RABEP1: variants seen among roughly 807,000 people sequenced by gnomAD.
RABEP1 encodes the protein rabaptin, RAB GTPase binding effector protein 1.
In RABEP1, 51 loss-of-function variants were observed where a neutral mutation model predicts 123.4. That is an observed-to-expected ratio of 0.41 (90% confidence interval 0.33 to 0.52). The LOEUF (loss-of-function observed/expected upper bound fraction) is 0.52, where lower values mean the gene tolerates loss of function less well. RABEP1 is among the 20% of genes least tolerant of loss of function. The probability of loss-of-function intolerance (pLI) is 0.16; values close to 1 mark genes in which losing one functional copy is unlikely to be tolerated. For synonymous variants in RABEP1, 347 were observed against 355.2 expected (o/e 0.98, Z 0.26); for missense variants, 888 against 996.3 (o/e 0.89, Z 1.46).
At chr17:5,335,389 G>A in intron 4 of RABEP1, 45 bp downstream of exon 4, 1 of 1,495,770 alleles carries the variant, frequency 6.7e-7, no homozygotes, top group Non-Finnish European at 9.2e-7. Flanking sequence ...GAATTCAAAT[G>A]CAAAATGCTT....
chr17:5,347,690 ATTCT>A (rs753256211), intron 6 of RABEP1, among the ~76,000 whole-genome samples: 1 of 152,222 alleles, frequency 6.6e-6, no homozygotes, highest in Non-Finnish European at 1.5e-5. Context: ...CCAGGGGTAC[ATTCT>A]TTCCCCACTA....
intron 1 of RABEP1, among the ~76,000 whole-genome samples, chr17:5,290,000 C>T (rs758898758): frequency 6.6e-6 from 1 of 152,154 alleles, no homozygotes; most frequent in Non-Finnish European, 1.5e-5. Context: ...TCTAAAATAT[C>T]TCCATTTATC....
chr17:5,324,439 G>A (rs1905764281), intron 2 of RABEP1, among the ~76,000 whole-genome samples: 2 of 152,154 alleles, frequency 1.3e-5, no homozygotes, highest in African/African-American at 4.8e-5. Flanking sequence ...AACAATCAAA[G>A]TAGATTAAAG....
intron 1 of RABEP1, 132 bp downstream of exon 1, chr17:5,282,652 GGGGGCGCGCGGGCT>G: frequency 2.0e-6 from 1 of 510,406 alleles, no homozygotes; most frequent in Non-Finnish European, 2.5e-6. Flanking sequence ...GGGCGGAGGC[GGGGGCGCGCGGGCT>G]GCGGCGCGCG....
chr17:5,378,071 C>T, intron 14 of RABEP1, 106 bp from the exon 15 acceptor site: 4 of 795,876 alleles, frequency 5.0e-6, no homozygotes, highest in Non-Finnish European at 6.0e-6. Context: ...AACCCATGTT[C>T]AGCATACATT....
Position 5,380,591 on chromosome 17 carries a change from C to T in RABEP1, c.2370+129C>T, listed in dbSNP as rs1176607037. The T allele has an allele frequency of 3.7e-6, 3 of 805,298 alleles. No individual in the cohort carries two copies. The Admixed American group carries it at 6.1e-5, about 16-fold the overall frequency. 49.9% of individuals were successfully genotyped at this position (805,298 alleles called of 1,614,324 possible). Reference sequence around the variant, plus strand: ...TTTAAAAAGTTGGCAAAACTGACAGCTTGTGAAAAGAAAAAACTTAAACGA... The same window carrying T: ...TTTAAAAAGTTGGCAAAACTGACAGTTTGTGAAAAGAAAAAACTTAAACGA... On this transcript the variant is annotated intron_variant, in intron 16 of 17. Transcript: ENST00000537505.
At position 5,363,036 on chromosome 17, in the gene RABEP1, G is replaced by A. The variant is rs1364000365; in HGVS notation, c.1668+20G>A. 5.1e-6 allele frequency: 8 copies of A among 1,555,954 alleles called. No homozygotes were observed. Among genetic ancestry groups the A allele is most frequent in the South Asian group, 1.1e-5 (1 of 89,806 alleles). On this transcript the variant is annotated intron_variant, in intron 10 of 17. Coordinates refer to ENST00000537505, the MANE Select transcript of RABEP1 (RefSeq NM_004703.6). ...GACCAGGTGAGTTTCTTCTGGATGC[G>A]CCAAATTGGATATTGTCGTTTTCAT...
chr17:5,347,176 A>G (rs1908131553), intron 6 of RABEP1, among the ~76,000 whole-genome samples: 1 of 152,084 alleles, frequency 6.6e-6, no homozygotes, highest in Non-Finnish European at 1.5e-5. Context: ...TTGGGAGGCC[A>G]AGGTGGGCAG....
Position 5,354,500 on chromosome 17 carries a change from G to A in RABEP1, c.1095+10G>A. ...GTTATCAAATGAAGAGGTATAGTGAGTCTATAATTAAAGTCATTAAATACA... is the reference window on the plus strand; with the variant it reads ...GTTATCAAATGAAGAGGTATAGTGAATCTATAATTAAAGTCATTAAATACA... On this transcript the variant is annotated intron_variant, in intron 8 of 17. Transcript: ENST00000537505. The A allele has an allele frequency of 6.3e-7, 1 of 1,584,588 alleles. No homozygotes were observed.
chr17:5,371,921 G>T (rs950517464), intron 12 of RABEP1, among the ~76,000 whole-genome samples: 4 of 151,998 alleles, frequency 2.6e-5, no homozygotes, highest in African/African-American at 9.7e-5. Context: ...ACGTGGCATA[G>T]AGTAGTAGCT....
chr17:5,290,282 G>C (rs1420714708), intron 1 of RABEP1, among the ~76,000 whole-genome samples: 1 of 152,098 alleles, frequency 6.6e-6, no homozygotes. Context: ...TAGAGACGGG[G>C]TTTCACCGTG....
At chr17:5,299,320 T>C (rs1199393298) in intron 1 of RABEP1, among the ~76,000 whole-genome samples, 2 of 152,100 alleles carry the variant, frequency 1.3e-5, no homozygotes, top group African/African-American at 4.8e-5. Flanking sequence ...GGATCCCTAG[T>C]TCCTTTTAGT....
chr17:5,364,680 C>T, intron 10 of RABEP1, among the ~76,000 whole-genome samples: 1 of 148,770 alleles, frequency 6.7e-6, no homozygotes, highest in East Asian at 2.0e-4. Context: ...TTGCAGTGAG[C>T]CGAGATTGCA....
intron 1 of RABEP1, among the ~76,000 whole-genome samples, chr17:5,288,484 C>T (rs1371408999): frequency 2.6e-5 from 4 of 152,188 alleles, no homozygotes; most frequent in Non-Finnish European, 5.9e-5. Flanking sequence ...GAACCTCTAC[C>T]TCCCAGGTTC....
chr17:5,367,521 G>C (rs978383205), intron 11 of RABEP1, among the ~76,000 whole-genome samples: 3 of 151,132 alleles, frequency 2.0e-5, no homozygotes, highest in African/African-American at 7.3e-5. Context: ...CATCCGCCTC[G>C]GCCTCCCAAA....
chr17:5,384,280 T>C lies in RABEP1; in HGVS notation c.*1057T>C. On this transcript the variant is annotated 3_prime_UTR_variant, in exon 18 of 18. Transcript: ENST00000537505. Reference sequence around the variant, plus strand: ...TGTCATTTTACAAGCATTAGATTCCTTTCCTGTGTGAAGAAAGCCTCAGTG... The same window carrying C: ...TGTCATTTTACAAGCATTAGATTCCCTTCCTGTGTGAAGAAAGCCTCAGTG... 1 of 214,068 alleles carries C rather than the reference T, an allele frequency of 4.7e-6. No individual in the cohort carries two copies. The highest frequency in any genetic ancestry group is 7.0e-5 in the East Asian group (1 of 14,238). 13.3% of individuals were successfully genotyped at this position (214,068 alleles called of 1,614,324 possible).
At chr17:5,379,275 C>T (rs1911250224) in intron 15 of RABEP1, among the ~76,000 whole-genome samples, 1 of 152,190 alleles carries the variant, frequency 6.6e-6, no homozygotes, top group Non-Finnish European at 1.5e-5. Flanking sequence ...CAGAGAATAT[C>T]ATGACCTGCT....
intron 1 of RABEP1, among the ~76,000 whole-genome samples, chr17:5,290,320 C>T (rs1212602987): frequency 6.6e-6 from 1 of 152,194 alleles, no homozygotes; most frequent in Non-Finnish European, 1.5e-5. Context: ...GCTCTCCTGA[C>T]CTCGTGATCC....
intron 5 of RABEP1, among the ~76,000 whole-genome samples, chr17:5,342,788 A>G (rs1208471642): frequency 1.3e-5 from 2 of 152,240 alleles, no homozygotes; most frequent in Non-Finnish European, 1.5e-5. Context: ...GACTTGGCCT[A>G]CCTACCAGAT....
Sources: allele counts gnomAD v4.1 joint callset (sites outside exome capture counted in the v4.1 genomes callset), GRCh38; gene constraint gnomAD v4.1.1; transcripts MANE v1.5; gene names NCBI Gene and HGNC (gene_info 2026-07-23, HGNC 2026-07-21).